Variants in DNAH5 observed in about 807,000 individuals in gnomAD.
DNAH5 encodes the protein dynein axonemal heavy chain 5, also known as axonemal beta dynein heavy chain 5.
DNAH5 carries 372 observed loss-of-function variants against 518.2 expected under a neutral mutation model. The ratio of observed to expected loss-of-function variants is 0.72; its 90% CI spans 0.66 to 0.78. DNAH5 has a LOEUF of 0.78. Among genes scored for constraint, DNAH5 ranks in the 30% least tolerant of loss-of-function variants. The pLI, the probability that DNAH5 is intolerant of heterozygous loss-of-function variation, is 0.00. For synonymous variants in DNAH5, 2,039 were observed against 2,025.9 expected (o/e 1.01, Z -0.17); for missense variants, 5,523 against 5,687.0 (o/e 0.97, Z 0.93).
intron 44 of DNAH5, 106 bp from the exon 45 acceptor site, chr5:13,810,366 C>T: frequency 2.1e-6 from 2 of 960,902 alleles, no homozygotes; most frequent in South Asian, 1.4e-5. Context: ...ACTAGTTGCC[C>T]TCCAAGAACA....
intron 53 of DNAH5, among the ~76,000 whole-genome samples, chr5:13,778,500 G>A (rs1202128175): frequency 8.1e-6 from 1 of 122,976 alleles, no homozygotes; most frequent in Non-Finnish European, 1.7e-5. Flanking sequence ...GGAAGGAAGG[G>A]AGGGAGGGAG....
At chr5:13,896,283 C>T (rs1186381850) in intron 15 of DNAH5, among the ~76,000 whole-genome samples, 1 of 151,926 alleles carries the variant, frequency 6.6e-6, no homozygotes, top group East Asian at 2.0e-4. Context: ...AAGATCTACC[C>T]GATTTTGTCC....
chr5:13,741,212 T>C (rs1489327690), intron 65 of DNAH5, among the ~76,000 whole-genome samples: 1 of 152,180 alleles, frequency 6.6e-6, no homozygotes, highest in East Asian at 1.9e-4. Context: ...CCCTGGCCTC[T>C]GCTTTATGTT....
intron 16 of DNAH5, among the ~76,000 whole-genome samples, chr5:13,891,814 A>G (rs1455581567): frequency 6.6e-6 from 1 of 152,212 alleles, no homozygotes; most frequent in Admixed American, 6.5e-5. Context: ...GTGCTGAAGT[A>G]ATATTGAATG....
chr5:13,787,642 T>A (rs1446030587), intron 51 of DNAH5, among the ~76,000 whole-genome samples: 1 of 147,744 alleles, frequency 6.8e-6, no homozygotes, highest in African/African-American at 2.5e-5. Flanking sequence ...TTGAAAATCA[T>A]AATCTGATTA....
At chr5:13,992,251 A>G (rs1405256711) in intron 1 of DNAH5, among the ~76,000 whole-genome samples, 2 of 152,306 alleles carry the variant, frequency 1.3e-5, no homozygotes, top group South Asian at 4.2e-4. Context: ...TGATTCTTCC[A>G]TCTCCTCCAC....
chr5:13,736,123 C>A (rs1747376457), intron 66 of DNAH5, among the ~76,000 whole-genome samples, 191 bp from the exon 67 acceptor site: 1 of 152,048 alleles, frequency 6.6e-6, no homozygotes, highest in South Asian at 2.1e-4. Flanking sequence ...TGTAAGTAAT[C>A]AACTATTTGT....
chr5:13,926,582 T>A (rs1186990727), intron 3 of DNAH5, among the ~76,000 whole-genome samples: 1 of 152,180 alleles, frequency 6.6e-6, no homozygotes, highest in African/African-American at 2.4e-5. Context: ...CTGGACAGTT[T>A]TGCTTTTTGA....
intron 12 of DNAH5, among the ~76,000 whole-genome samples, chr5:13,906,354 G>GGA (rs1159924931): frequency 1.3e-5 from 2 of 152,110 alleles, no homozygotes; most frequent in East Asian, 3.9e-4. Context: ...GCATTCTGGG[G>GGA]GAGAGTAGGG....
chr5:13,847,911 T>C (rs116448981), intron 31 of DNAH5, among the ~76,000 whole-genome samples: 244 of 152,216 alleles, frequency 1.6e-3, no homozygotes, highest in African/African-American at 5.7e-3. Context: ...CTGCATGATG[T>C]CTTAGTGGTC....
chr5:13,959,120 T>C (rs897261277), intron 1 of DNAH5, among the ~76,000 whole-genome samples: 1 of 152,202 alleles, frequency 6.6e-6, no homozygotes, highest in Non-Finnish European at 1.5e-5. Flanking sequence ...CTAATGTTTG[T>C]ATTTTTATTA....
chr5:13,806,409 T>C (rs1321356162), intron 47 of DNAH5, among the ~76,000 whole-genome samples: 2 of 152,216 alleles, frequency 1.3e-5, no homozygotes, highest in Non-Finnish European at 2.9e-5. Context: ...TTTAGAAGTT[T>C]AATCAATGAT....
intron 70 of DNAH5, 138 bp from the exon 71 acceptor site, chr5:13,721,383 A>G (rs1745045045): frequency 2.1e-6 from 2 of 974,086 alleles, no homozygotes; most frequent in Non-Finnish European, 3.1e-6. Context: ...CAGGGTAGAG[A>G]CTGTTTTTCA....
intron 26 of DNAH5, 56 bp from the exon 27 acceptor site, chr5:13,865,962 A>G: frequency 1.6e-6 from 2 of 1,238,442 alleles, no homozygotes; most frequent in Non-Finnish European, 2.4e-6. Flanking sequence ...ATCAACATAC[A>G]AATGAAAATA....
intron 65 of DNAH5, among the ~76,000 whole-genome samples, chr5:13,738,225 T>C (rs982605696): frequency 3.3e-5 from 5 of 150,978 alleles, no homozygotes; most frequent in African/African-American, 9.8e-5. Context: ...TTTCAAGTGA[T>C]TGCTGTGATT....
At chr5:13,829,445 A>C in intron 38 of DNAH5, 65 bp downstream of exon 38, 1 of 1,545,046 alleles carries the variant, frequency 6.5e-7, no homozygotes, top group South Asian at 1.1e-5. Flanking sequence ...TCTCAAAATG[A>C]GAACATTCTG....
At chr5:13,798,660 A>T (rs1395388448) in intron 47 of DNAH5, among the ~76,000 whole-genome samples, 2 of 146,798 alleles carry the variant, frequency 1.4e-5, no homozygotes, top group African/African-American at 2.5e-5. Flanking sequence ...TAAGACAAAA[A>T]AAAGCAAAAC....
chr5:13,942,591 A>T (rs1779563560), intron 1 of DNAH5, among the ~76,000 whole-genome samples: 1 of 152,172 alleles, frequency 6.6e-6, no homozygotes, highest in African/African-American at 2.4e-5. Context: ...GAGGGTACTC[A>T]ATATCTGATC....
chr5:13,751,633 C>G (rs562096286), intron 64 of DNAH5, among the ~76,000 whole-genome samples: 1 of 152,110 alleles, frequency 6.6e-6, no homozygotes, highest in Non-Finnish European at 1.5e-5. Context: ...TTATTACTCA[C>G]TTGATAAGAT....
Sources: allele counts gnomAD v4.1 joint callset (sites outside exome capture counted in the v4.1 genomes callset), GRCh38; gene constraint gnomAD v4.1.1; transcripts MANE v1.5; gene names NCBI Gene and HGNC (gene_info 2026-07-23, HGNC 2026-07-21).